The following OTUD5 variants were observed in gnomAD, a reference collection of about 807,000 sequenced individuals.
The protein encoded by OTUD5 is OTU domain-containing protein 5.
Under a neutral mutation model 36.3 loss-of-function variants are expected in OTUD5, and 2 were observed. That is an observed-to-expected ratio of 0.06 (90% CI 0.02 to 0.17). OTUD5 has a LOEUF of 0.17. OTUD5 is among the 10% of genes least tolerant of loss of function. OTUD5 has a pLI of 1.00. For missense variants in OTUD5, 233 were observed against 512.3 expected (o/e 0.45, Z 5.26); for synonymous variants, 234 against 214.9 (o/e 1.09, Z -0.78).
At chrX:48,943,096 CAGTTATGAGTCAGGGCCAGAACTA>C (rs1282945530) in intron 2 of OTUD5, among the ~76,000 whole-genome samples, 3 of 111,574 alleles carry the variant, frequency 2.7e-5, no homozygotes, top group Non-Finnish European at 3.8e-5. Flanking sequence ...AGTGTCACAG[CAGTTATGAGTCAGGGCCAGAACTA>C]GAAGGTAGGT....
At chrX:48,946,099 C>T (rs149254553) in intron 1 of OTUD5, among the ~76,000 whole-genome samples, 3,425 of 111,248 alleles carry the variant, frequency 0.031, 71 homozygotes, top group Non-Finnish European at 0.051. Flanking sequence ...TCCGTAAGGC[C>T]ATTTTTCCCC....
rs782816924 is a variant in OTUD5, at chrX:48,944,108, C to A, written c.688+82G>T. ...AAAGATTAGCTAGCTCTGCCTCAAC[C>A]CTGTCTCAGGGGCTATTCCTGATAA... On this transcript the variant is annotated intron_variant, in intron 2 of 8. Transcript: ENST00000376488. 1.5e-4 allele frequency: 100 copies of A among 682,115 alleles called. No homozygotes were observed. In the Middle Eastern group the frequency reaches 5.8e-3, roughly 40 times the overall value. The allele number at this position is 682,115 out of a possible 1,213,427, so 56.2% of individuals were successfully genotyped here. A position where few individuals can be genotyped will look rare whatever the true frequency, so the allele number is the denominator to read the frequency against.
At chrX:48,956,478 G>C (rs2064242698) in intron 1 of OTUD5, among the ~76,000 whole-genome samples, 1 of 111,617 alleles carries the variant, frequency 9.0e-6, no homozygotes, top group African/African-American at 3.3e-5. Flanking sequence ...GAGTGTCTCA[G>C]ACTCTTGAAA....
intron 6 of OTUD5, 34 bp from the exon 7 acceptor site, chrX:48,924,086 C>G: frequency 2.6e-6 from 3 of 1,143,850 alleles, no homozygotes; most frequent in Non-Finnish European, 3.5e-6. Context: ...TTAAGGACCA[C>G]CAGCAGCCAT....
In OTUD5 at chrX:48,934,414, T is replaced by C. The variant is rs782675256; in HGVS notation, c.1059+50A>G. The C allele has an allele frequency of 5.3e-6, 6 of 1,126,346 alleles. No individual in the cohort carries two copies. In the South Asian group the frequency reaches 9.9e-5, roughly 19 times the overall value. 92.8% of individuals were successfully genotyped at this position (1,126,346 alleles called of 1,213,427 possible). A position where few individuals can be genotyped will look rare whatever the true frequency, so the allele number is the denominator to read the frequency against. On this transcript the variant is annotated intron_variant, in intron 5 of 8. Transcript: ENST00000376488. ...GGGGCAAAACAGACTCCAACAGAGG[T>C]TTCTGACCTCTATATCCAGCAGCCA...
chrX:48,957,722 C>T, upstream of OTUD5: 1 of 690,828 alleles, frequency 1.4e-6, no homozygotes, highest in Non-Finnish European at 1.7e-6. Flanking sequence ...CCCTCGGCGG[C>T]GGAGGAGGCG....
At position 48,956,986 on chromosome X, in the gene OTUD5, A is replaced by T. The variant is rs1557055518; in HGVS notation, c.585T>A (p.Thr195=). ...AARIEAMDPA[T]VEQQEHWFEK... is the part of the protein sequence containing the mutation. ...ACCCCACAGCTCTTACCTGCTCGAC[A>T]GTGGCAGGGTCCATAGCCTCGATGC... Residue 195 remains threonine, a synonymous_variant, in exon 1 of 9, where the codon ACT becomes ACA. Coordinates refer to ENST00000376488, the MANE Select transcript of OTUD5 (RefSeq NM_001136157.2). 1.7e-6 allele frequency: 2 copies of T among 1,175,554 alleles called. No individual in the cohort carries two copies. The highest frequency in any genetic ancestry group is 6.5e-5 in the East Asian group (2 of 30,857).
intron 2 of OTUD5, chrX:48,939,864 G>C (rs2063891088): frequency 8.9e-6 from 1 of 112,864 alleles, no homozygotes; most frequent in Non-Finnish European, 1.9e-5. Flanking sequence ...AGACATCTGA[G>C]AACTGCCTAC....
intron 5 of OTUD5, among the ~76,000 whole-genome samples, chrX:48,929,084 C>G (rs1297435928): frequency 9.0e-6 from 1 of 110,996 alleles, no homozygotes; most frequent in Non-Finnish European, 1.9e-5. Context: ...TTAATATATG[C>G]TATTTAAAAA....
At chrX:48,932,836 C>T (rs957590276) in intron 5 of OTUD5, among the ~76,000 whole-genome samples, 1 of 109,999 alleles carries the variant, frequency 9.1e-6, no homozygotes, top group Non-Finnish European at 1.9e-5. Flanking sequence ...AAACACTGGC[C>T]GGGCATGGTG....
chrX:48,926,105 A>G, intron 5 of OTUD5, 55 bp from the exon 6 acceptor site: 1 of 1,002,054 alleles, frequency 1.0e-6, no homozygotes, highest in Non-Finnish European at 1.4e-6. Flanking sequence ...CCTGCCCAAG[A>G]GCCAGAACAG....
chrX:48,957,074 G>A lies in OTUD5; in HGVS notation c.497C>T (p.Pro166Leu). 1 of 1,185,936 alleles carries A rather than the reference G, an allele frequency of 8.4e-7. No individual in the cohort carries two copies. Among genetic ancestry groups the A allele is most frequent in the Non-Finnish European group, 1.1e-6 (1 of 884,306 alleles). Residue 166 changes from proline to leucine, a missense_variant, in exon 1 of 9, where the codon CCC becomes CTC. Pro to Leu is a moderately conservative substitution (Grantham distance 98). Transcript: ENST00000376488. ...GCCTGCGCCGACCTCCTCACGCTCG[G>A]GACTGCCCCCGCCAACCGCGCCAAC... ...PGVGAVGGGSPEREEVGAGYN... is the reference protein window; with the variant it reads ...PGVGAVGGGSLEREEVGAGYN...
intron 2 of OTUD5, among the ~76,000 whole-genome samples, chrX:48,938,306 C>A (rs3027498): frequency 9.1e-6 from 1 of 110,302 alleles, no homozygotes; most frequent in African/African-American, 3.3e-5. Context: ...AATAGTACTA[C>A]CCCAACAAGG....
intron 2 of OTUD5, among the ~76,000 whole-genome samples, chrX:48,943,966 TTTTC>T (rs1192136097): frequency 1.8e-5 from 2 of 112,197 alleles, no homozygotes; most frequent in Non-Finnish European, 1.9e-5. Flanking sequence ...AAGGATATTA[TTTTC>T]TTTATCATTC....
intron 1 of OTUD5, among the ~76,000 whole-genome samples, chrX:48,954,622 C>T (rs1250801884): frequency 1.8e-5 from 2 of 111,258 alleles, no homozygotes; most frequent in African/African-American, 6.6e-5. Flanking sequence ...AGGCTTGGGG[C>T]CCCTGTGAAG....
chrX:48,926,137 G>A, intron 5 of OTUD5, 87 bp from the exon 6 acceptor site: 1 of 710,234 alleles, frequency 1.4e-6, no homozygotes, highest in Non-Finnish European at 2.2e-6. Flanking sequence ...TAGGCCCACA[G>A]GCCCCAGAAA....
At position 48,923,169 on chromosome X, in the gene OTUD5, C is replaced by G. The variant is rs781832192; in HGVS notation, c.*5G>C. ...GGGAGATGGTGTCCAATCCCTGGGT[C>G]TCCATCAACTCTTGTCTGGGGGCGG... On this transcript the variant is annotated 3_prime_UTR_variant, in exon 9 of 9. Coordinates refer to ENST00000376488, the MANE Select transcript of OTUD5 (RefSeq NM_001136157.2). 5.0e-6 allele frequency: 6 copies of G among 1,207,122 alleles called. No individual in the cohort carries two copies. The South Asian group carries it at 8.8e-5, about 18-fold the overall frequency.
At chrX:48,929,825 C>T (rs1401207925) in intron 5 of OTUD5, among the ~76,000 whole-genome samples, 1 of 111,107 alleles carries the variant, frequency 9.0e-6, no homozygotes, top group Non-Finnish European at 1.9e-5. Flanking sequence ...CAACCTTGGC[C>T]GGGCGCGGTG....
intron 1 of OTUD5, among the ~76,000 whole-genome samples, chrX:48,949,428 G>A (rs1444711225): frequency 3.6e-5 from 4 of 111,294 alleles, no homozygotes; most frequent in Non-Finnish European, 7.5e-5. Context: ...CTGTAATCGC[G>A]GCACTCTGGG....
Sources: gnomAD v4.1 joint callset for allele counts (sites outside exome capture counted in the v4.1 genomes callset) on GRCh38, gnomAD v4.1.1 for gene constraint, MANE v1.5 for transcripts, NCBI Gene and HGNC (gene_info 2026-07-23, HGNC 2026-07-21) for gene names.